COL4A2: variants seen among roughly 807,000 people sequenced by gnomAD.
COL4A2 encodes collagen alpha-2(IV) chain.
In COL4A2, 99 loss-of-function variants were observed where a neutral mutation model predicts 200.2. The ratio of observed to expected loss-of-function variants is 0.49; its 90% CI spans 0.42 to 0.58. The LOEUF (loss-of-function observed/expected upper bound fraction) is 0.58. COL4A2 is among the 20% of genes least tolerant of loss of function. The pLI, the probability that COL4A2 is intolerant of heterozygous loss-of-function variation, is 0.00. For missense variants in COL4A2, 1,950 were observed against 2,314.1 expected (o/e 0.84, Z 3.23); for synonymous variants, 897 against 900.6 (o/e 1.00, Z 0.07).
At chr13:110,438,302 G>A (rs551560127) in intron 14 of COL4A2, among the ~76,000 whole-genome samples, 1 of 152,312 alleles carries the variant, frequency 6.6e-6, no homozygotes, top group South Asian at 2.1e-4. Context: ...GGAGGGGCGT[G>A]GCTTCCACTC....
rs148816246 is a variant in COL4A2 at position 110,446,347 on chromosome 13, C to T, written c.1012-451C>T. ...GCACATCTGGAGAGGACTTCTGAGC[C>T]GGGTGAGGCTCAAAGAGGTGAAGGT... On this transcript the variant is annotated intron_variant, in intron 17 of 47. Transcript: ENST00000360467. Among the ~76,000 whole-genome samples, 788 of 152,200 alleles carry T rather than the reference C, an allele frequency of 5.2e-3. 8 individuals carry two copies. Among genetic ancestry groups the T allele is most frequent in the African/African-American group, 0.018 (759 of 41,500 alleles).
At chr13:110,355,572 AC>A (rs1877188119) in intron 3 of COL4A2, among the ~76,000 whole-genome samples, 1 of 37,398 alleles carries the variant, frequency 2.7e-5, no homozygotes, top group Non-Finnish European at 4.2e-5. Flanking sequence ...GTACTAGCTC[AC>A]CTGTGTGGGG....
intron 3 of COL4A2, among the ~76,000 whole-genome samples, chr13:110,310,344 GA>G (rs543040882): frequency 1.3e-3 from 198 of 152,290 alleles, no homozygotes; most frequent in African/African-American, 4.4e-3. Flanking sequence ...TGGAGTCCGG[GA>G]CTCCGCCTCC....
chr13:110,364,938 G>A (rs950592265), intron 4 of COL4A2, among the ~76,000 whole-genome samples: 6 of 152,150 alleles, frequency 3.9e-5, no homozygotes, highest in Non-Finnish European at 5.9e-5. Flanking sequence ...TGAAGTACTC[G>A]CATAGCCACA....
At chr13:110,504,054 C>A in intron 44 of COL4A2, 61 bp downstream of exon 44, 2 of 1,559,270 alleles carry the variant, frequency 1.3e-6, no homozygotes, top group Non-Finnish European at 1.8e-6. Context: ...CCAGGGCCTG[C>A]TGGCATTGCG....
chr13:110,367,490 A>T (rs1285988439), intron 4 of COL4A2, among the ~76,000 whole-genome samples: 1 of 152,268 alleles, frequency 6.6e-6, no homozygotes, highest in Non-Finnish European at 1.5e-5. Context: ...GGCATGTCTT[A>T]GCTCTGCATG....
At chr13:110,485,578 C>T (rs2139529114) in intron 33 of COL4A2, 77 bp from the exon 34 acceptor site, 1 of 1,081,394 alleles carries the variant, frequency 9.2e-7, no homozygotes. Flanking sequence ...CAAAATGCAT[C>T]CAGGCTGCAA....
At chr13:110,471,628 C>CT (rs1253172815) in intron 28 of COL4A2, among the ~76,000 whole-genome samples, 1 of 152,196 alleles carries the variant, frequency 6.6e-6, no homozygotes, top group Non-Finnish European at 1.5e-5. Flanking sequence ...CGTTAAAACT[C>CT]TGAGTACGGT....
intron 4 of COL4A2, among the ~76,000 whole-genome samples, chr13:110,408,122 G>C (rs945441128): frequency 1.1e-4 from 16 of 152,150 alleles, no homozygotes; most frequent in Non-Finnish European, 2.2e-4. Flanking sequence ...ATGTTGAGCA[G>C]AACAGGAATC....
chr13:110,441,260 C>T (rs1028125452), intron 16 of COL4A2, among the ~76,000 whole-genome samples: 3 of 152,142 alleles, frequency 2.0e-5, no homozygotes, highest in Admixed American at 6.5e-5. Context: ...TACAGAAGCT[C>T]GGCAGGCCTG....
intron 4 of COL4A2, among the ~76,000 whole-genome samples, chr13:110,388,571 C>A (rs9515202): frequency 0.048 from 7,246 of 152,250 alleles, 266 homozygotes; most frequent in Non-Finnish European, 0.07. Flanking sequence ...TTTAATCCAT[C>A]AGAGAGCAAT....
At chr13:110,382,826 A>G (rs1028717564) in intron 4 of COL4A2, among the ~76,000 whole-genome samples, 1 of 152,242 alleles carries the variant, frequency 6.6e-6, no homozygotes, top group Non-Finnish European at 1.5e-5. Context: ...CATTTTTCCT[A>G]TTGAAAATAT....
At chr13:110,397,920 T>C (rs1008104757) in intron 4 of COL4A2, among the ~76,000 whole-genome samples, 1 of 152,236 alleles carries the variant, frequency 6.6e-6, no homozygotes, top group African/African-American at 2.4e-5. Flanking sequence ...TTGGAAAAGA[T>C]GGGCAAATCC....
chr13:110,374,810 T>C (rs1566499369), intron 4 of COL4A2, among the ~76,000 whole-genome samples: 1 of 152,230 alleles, frequency 6.6e-6, no homozygotes, highest in African/African-American at 2.4e-5. Context: ...ATTATACTTC[T>C]GTAGTTTCAT....
chr13:110,467,278 GA>G (rs1882283236), intron 27 of COL4A2, among the ~76,000 whole-genome samples, 182 bp downstream of exon 27: 1 of 152,192 alleles, frequency 6.6e-6, no homozygotes, highest in Non-Finnish European at 1.5e-5. Flanking sequence ...TGCCACTATA[GA>G]AAAAGGAGTC....
chr13:110,462,457 C>A, intron 24 of COL4A2, 73 bp downstream of exon 24: 1 of 1,500,242 alleles, frequency 6.7e-7, no homozygotes, highest in Non-Finnish European at 9.1e-7. Context: ...ACCCCAGAAG[C>A]AAACAGTATT....
At chr13:110,475,880 C>A (rs1250641170) in intron 29 of COL4A2, among the ~76,000 whole-genome samples, 1 of 152,240 alleles carries the variant, frequency 6.6e-6, no homozygotes, top group African/African-American at 2.4e-5. Context: ...AACAGATAGT[C>A]TATAAGTGGA....
intron 18 of COL4A2, among the ~76,000 whole-genome samples, chr13:110,447,901 C>T (rs931061180): frequency 1.3e-5 from 2 of 152,180 alleles, no homozygotes; most frequent in African/African-American, 2.4e-5. Context: ...TGCTTCGAAG[C>T]GAGCCCTCTG....
At position 110,482,579 on chromosome 13, in the gene COL4A2, G is replaced by C. The variant is rs1221813265; in HGVS notation, c.2822G>C (p.Gly941Ala). The C allele has an allele frequency of 6.2e-7, 1 of 1,614,182 alleles. No homozygotes were observed. The highest frequency in any genetic ancestry group is 8.5e-7 in the Non-Finnish European group (1 of 1,180,038). Reference protein sequence around the residue: ...QGMPGLKGRPGFPGSKGEAGF... With the variant: ...QGMPGLKGRPAFPGSKGEAGF... ...ATGCCTGGACTCAAAGGGAGACCCG[G>C]GTTTCCAGGGAGCAAAGGCGAGGCT... Residue 941 changes from glycine to alanine, a missense_variant, in exon 32 of 48, where the codon GGG becomes GCG. Transcript: ENST00000360467.
Sources: gnomAD v4.1 joint callset for allele counts (sites outside exome capture counted in the v4.1 genomes callset) on GRCh38, gnomAD v4.1.1 for gene constraint, MANE v1.5 for transcripts, NCBI Gene and HGNC (gene_info 2026-07-23, HGNC 2026-07-21) for gene names.